Variants in ZNHIT6 observed in about 807,000 individuals in gnomAD.
ZNHIT6 encodes the protein box C/D snoRNA protein 1.
A neutral mutation model predicts 57.2 loss-of-function variants in ZNHIT6; 45 were observed. The ratio of observed to expected loss-of-function variants is 0.79; its 90% confidence interval spans 0.62 to 1.01. The LOEUF (loss-of-function observed/expected upper bound fraction) is 1.01. Ranked by LOEUF, ZNHIT6 falls within the 50% of genes least tolerant of loss-of-function variation. The pLI, the probability that ZNHIT6 is intolerant of heterozygous loss-of-function variation, is 0.00. For synonymous variants in ZNHIT6, 188 were observed against 190.0 expected (o/e 0.99, Z 0.09); for missense variants, 528 against 567.3 (o/e 0.93, Z 0.70).
intron 8 of ZNHIT6, among the ~76,000 whole-genome samples, chr1:85,658,825 C>T (rs1290675630): frequency 1.3e-5 from 2 of 151,828 alleles, no homozygotes; most frequent in Non-Finnish European, 2.9e-5. Context: ...AAGCCAAGAT[C>T]GTGCCACTGC....
At chr1:85,659,336 A>AAT (rs1661162536) in intron 8 of ZNHIT6, among the ~76,000 whole-genome samples, 1 of 152,200 alleles carries the variant, frequency 6.6e-6, no homozygotes, top group South Asian at 2.1e-4. Context: ...TACATATGAG[A>AAT]ATATGTTGGC....
At chr1:85,658,978 C>A (rs1305851703) in intron 8 of ZNHIT6, among the ~76,000 whole-genome samples, 1 of 151,976 alleles carries the variant, frequency 6.6e-6, no homozygotes, top group Non-Finnish European at 1.5e-5. Flanking sequence ...TTATTTTGAG[C>A]CTTAAAGACA....
chr1:85,707,881 G>A lies in ZNHIT6; in HGVS notation c.404C>T (p.Pro135Leu). The A allele has an allele frequency of 6.2e-7, 1 of 1,613,732 alleles. No homozygotes were observed. The highest frequency in any genetic ancestry group is 8.5e-7 in the Non-Finnish European group (1 of 1,179,960). ...CTTTACCTTCTCTTCCTTTACCTCT[G>A]GTTCACCCACCTTCGCTTCTTTTAC... ...LVVKEAKVGE[P>L]EVKEEKVKEE... The change falls in exon 1 of 10, where the codon CCA becomes CTA. Residue 135 changes from proline to leucine, a missense_variant. Transcript: ENST00000370574.
rs527338341 is a variant in ZNHIT6, at chr1:85,650,258, A to G, written c.*3800T>C. 7 of 152,342 alleles carry G rather than the reference A, an allele frequency of 4.6e-5. No homozygotes were observed. The South Asian group carries it at 8.3e-4, about 18-fold the overall frequency. The allele number at this position is 152,342 out of a possible 1,614,324, so 9.4% of individuals were successfully genotyped here. A position where few individuals can be genotyped will look rare whatever the true frequency, so the allele number is the denominator to read the frequency against. Reference sequence around the variant, plus strand: ...ATGCTAAGGTAAGCTGAAAATGTCAATTGCTGTTATCCACCATCCTCTCAC... The same window carrying G: ...ATGCTAAGGTAAGCTGAAAATGTCAGTTGCTGTTATCCACCATCCTCTCAC... On this transcript the variant is annotated 3_prime_UTR_variant, in exon 10 of 10. Transcript: ENST00000370574.
At chr1:85,656,193 C>G (rs1437904922) in intron 9 of ZNHIT6, among the ~76,000 whole-genome samples, 2 of 152,116 alleles carry the variant, frequency 1.3e-5, no homozygotes, top group Non-Finnish European at 2.9e-5. Flanking sequence ...ACAGGAAGAC[C>G]TGGGCATTAC....
rs371089726 is a variant in ZNHIT6, at chr1:85,684,680, A to T, written c.1020-3776T>A. On this transcript the variant is annotated intron_variant, in intron 5 of 9. Transcript: ENST00000370574. ...AACACTTGCTTACTAGAAACTGTTA[A>T]GGATCAGTCTCTCCGTGGCCCATTT... Among the ~76,000 whole-genome samples, 8 of 152,356 alleles carry T rather than the reference A, an allele frequency of 5.3e-5. No homozygotes were observed. In the East Asian group the frequency reaches 1.5e-3, roughly 29 times the overall value.
At chr1:85,672,497 C>T (rs1661585389) in intron 8 of ZNHIT6, among the ~76,000 whole-genome samples, 1 of 152,130 alleles carries the variant, frequency 6.6e-6, no homozygotes, top group African/African-American at 2.4e-5. Flanking sequence ...TCTTAAGGCC[C>T]TCTGTACCCT....
At position 85,651,579 on chromosome 1, in the gene ZNHIT6, T is replaced by A. The variant is rs1171099644; in HGVS notation, c.*2479A>T. 1 of 152,216 alleles carries A rather than the reference T, an allele frequency of 6.6e-6. No homozygotes were observed. The highest frequency in any genetic ancestry group is 1.5e-5 in the Non-Finnish European group (1 of 68,044). The allele number at this position is 152,216 out of a possible 1,614,324, so 9.4% of individuals were successfully genotyped here. ...GAATAGGTACAAGTTTTATTTACTA[T>A]AATTTATGACTATTAATCCTATATG... On this transcript the variant is annotated 3_prime_UTR_variant, in exon 10 of 10. Coordinates refer to ENST00000370574, the MANE Select transcript of ZNHIT6 (RefSeq NM_017953.4).
intron 8 of ZNHIT6, among the ~76,000 whole-genome samples, chr1:85,666,750 T>C (rs900557087): frequency 6.6e-6 from 1 of 152,178 alleles, no homozygotes; most frequent in South Asian, 2.1e-4. Context: ...TTTGAGATGA[T>C]AAAAAAAGTT....
At chr1:85,674,050 C>T (rs556183336) in intron 8 of ZNHIT6, among the ~76,000 whole-genome samples, 1 of 152,220 alleles carries the variant, frequency 6.6e-6, no homozygotes, top group African/African-American at 2.4e-5. Flanking sequence ...AGAAAGCTAC[C>T]TCAACAGGAA....
At chr1:85,685,017 A>T (rs1661987688) in intron 5 of ZNHIT6, among the ~76,000 whole-genome samples, 1 of 152,168 alleles carries the variant, frequency 6.6e-6, no homozygotes, top group Non-Finnish European at 1.5e-5. Context: ...GTTTGTAGAA[A>T]TGTTTTTTAA....
At chr1:85,672,333 G>A (rs890103989) in intron 8 of ZNHIT6, among the ~76,000 whole-genome samples, 1 of 152,066 alleles carries the variant, frequency 6.6e-6, no homozygotes, top group African/African-American at 2.4e-5. Context: ...AAGGAGACCA[G>A]ATCCAGACAG....
intron 8 of ZNHIT6, among the ~76,000 whole-genome samples, chr1:85,669,115 G>A (rs888090359): frequency 6.6e-6 from 1 of 152,130 alleles, no homozygotes; most frequent in African/African-American, 2.4e-5. Flanking sequence ...TGAAATCTGA[G>A]AAGCATTGTT....
Position 85,658,106 on chromosome 1 carries a change from C to CA in ZNHIT6, c.1248-136dup, listed in dbSNP as rs1408425207. On this transcript the variant is annotated intron_variant, in intron 8 of 9. Coordinates refer to ENST00000370574, the MANE Select transcript of ZNHIT6 (RefSeq NM_017953.4). The stretch of plus-strand genomic sequence containing the variant: ...CAATTCAGTAGTTACTTCCTTATAG[C>CA]ATAGTAAGTTTAATACCTTCTAAGA... 3.5e-5 allele frequency: 19 copies of CA among 546,804 alleles called. No individual in the cohort carries two copies. In the Admixed American group the frequency reaches 4.2e-4, roughly 12 times the overall value. 33.9% of individuals were successfully genotyped at this position (546,804 alleles called of 1,614,324 possible). A position where few individuals can be genotyped will look rare whatever the true frequency, so the allele number is the denominator to read the frequency against.
In ZNHIT6 at chr1:85,700,532, G is replaced by A. The variant is rs1045741412; in HGVS notation, c.1019+1625C>T. On this transcript the variant is annotated intron_variant, in intron 5 of 9. Transcript: ENST00000370574. ...AAAATATACTGAGTGTAATATTCTC[G>A]GTAAAAACTTCCCGCATACATTCAT... Among the ~76,000 whole-genome samples the A allele has an allele frequency of 2.0e-5, 3 of 151,902 alleles. No individual in the cohort carries two copies. In the South Asian group the frequency reaches 6.3e-4, roughly 32 times the overall value.
chr1:85,704,519 G>C lies in ZNHIT6; in HGVS notation c.915+1559C>G, dbSNP rs369880080. On this transcript the variant is annotated intron_variant, in intron 4 of 9. Coordinates refer to ENST00000370574, the MANE Select transcript of ZNHIT6 (RefSeq NM_017953.4). ...AATGTTCTAATTCTAGATTGGGGTG[G>C]TAGTTAAATGAATATTCATTTTATA... Among the ~76,000 whole-genome samples the C allele has an allele frequency of 1.5e-3, 229 of 152,122 alleles. 2 individuals are homozygous for C. Among genetic ancestry groups the C allele is most frequent in the African/African-American group, 5.4e-3 (225 of 41,510 alleles).
At chr1:85,657,816 C>T in intron 9 of ZNHIT6, 31 bp downstream of exon 9, 1 of 1,598,954 alleles carries the variant, frequency 6.3e-7, no homozygotes, top group Non-Finnish European at 8.5e-7. Context: ...TAAAGCTATT[C>T]TAAGCATTAC....
intron 8 of ZNHIT6, among the ~76,000 whole-genome samples, chr1:85,665,181 C>T (rs1052985263): frequency 6.6e-6 from 1 of 152,082 alleles, no homozygotes; most frequent in Non-Finnish European, 1.5e-5. Context: ...CAGTTCCTAA[C>T]CCTAGCTAAC....
At chr1:85,699,416 C>T (rs1390477148) in intron 5 of ZNHIT6, among the ~76,000 whole-genome samples, 1 of 152,090 alleles carries the variant, frequency 6.6e-6, no homozygotes, top group Non-Finnish European at 1.5e-5. Context: ...TCAATAAGTA[C>T]ATCTTCTGTA....
Sources: gnomAD v4.1 joint callset for allele counts (sites outside exome capture counted in the v4.1 genomes callset) on GRCh38, gnomAD v4.1.1 for gene constraint, MANE v1.5 for transcripts, NCBI Gene and HGNC (gene_info 2026-07-23, HGNC 2026-07-21) for gene names.